ZNF408: variants seen among roughly 807,000 people sequenced by gnomAD.
ZNF408 encodes the protein zinc finger protein 408, also known as PR domain zinc finger protein 17.
ZNF408 carries 24 observed loss-of-function variants against 27.6 expected under a neutral mutation model. The observed-to-expected ratio is 0.87, with a 90% CI of 0.63 to 1.22. The LOEUF (loss-of-function observed/expected upper bound fraction) is 1.22, where lower values mean the gene tolerates loss of function less well. Among genes scored for constraint, ZNF408 ranks in the 50% most tolerant of loss-of-function variants. The pLI is 0.00. For synonymous variants in ZNF408, 410 were observed against 396.1 expected, an observed-to-expected ratio of 1.04 and a Z score of -0.42; for missense variants, 897 against 949.0, an observed-to-expected ratio of 0.95 and a Z score of 0.72.
intron 1 of ZNF408, 128 bp from the exon 2 acceptor site, chr11:46,701,271 C>T (rs1029947864): frequency 9.0e-6 from 14 of 1,554,024 alleles, no homozygotes; most frequent in Admixed American, 7.0e-5. Context: ...CTTTCAGGGC[C>T]CTCCTTAGAG....
chr11:46,704,938 A>G lies in ZNF408; in HGVS notation c.1238A>G (p.Gln413Arg). Reference sequence around the variant, plus strand: ...GGGGTGCGGCCCTTCCCCTGTCCACAATGCGACAAGGCCTATGGCACCCAG... The same window carrying G: ...GGGGTGCGGCCCTTCCCCTGTCCACGATGCGACAAGGCCTATGGCACCCAG... ...HRGVRPFPCP[Q>R]CDKAYGTQRD... Residue 413 changes from glutamine (Q) to arginine (R), a missense_variant, in exon 5 of 5, where the codon CAA becomes CGA. Physicochemically the swap from Gln to Arg is conservative, Grantham distance 43. Transcript: ENST00000311764. 1 of 1,613,546 alleles carries G rather than the reference A, an allele frequency of 6.2e-7. No individual in the cohort carries two copies.
At chr11:46,701,184 C>T in intron 1 of ZNF408, 85 bp downstream of exon 1, 1 of 1,606,260 alleles carries the variant, frequency 6.2e-7, no homozygotes, top group Non-Finnish European at 8.5e-7. Context: ...TCAGTCTTCT[C>T]TCCTCCGGAT....
rs776195593 is a variant in ZNF408, at chr11:46,704,811, C to G, written c.1111C>G (p.His371Asp). ...CCTACAGCTGTGCCACCTAAAGAAG[C>G]ACGCATTTGTGCACACGGGCCACAA... Reference protein sequence around the residue: ...AFLQLCHLKKHAFVHTGHKPF... With the variant: ...AFLQLCHLKKDAFVHTGHKPF... The change falls in exon 5 of 5, where the codon CAC becomes GAC. Residue 371 changes from histidine (H) to aspartate (D), a missense_variant. Coordinates refer to ENST00000311764, the MANE Select transcript of ZNF408 (RefSeq NM_024741.3). 1 of 1,599,862 alleles carries G rather than the reference C, an allele frequency of 6.3e-7. No homozygotes were observed. The highest frequency in any genetic ancestry group is 1.7e-5 in the Admixed American group (1 of 58,590).
In ZNF408 at chr11:46,704,689, C is replaced by G; in HGVS notation, c.989C>G (p.Ser330Cys). 6.2e-7 allele frequency: 1 copy of G among 1,612,546 alleles called. No individual in the cohort carries two copies. Among genetic ancestry groups the G allele is most frequent in the Non-Finnish European group, 8.5e-7 (1 of 1,179,380 alleles). The change falls in exon 5 of 5, where the codon TCT becomes TGT. Residue 330 changes from serine (S) to cysteine (C), a missense_variant. Ser to Cys is a moderately radical substitution (Grantham distance 112). Coordinates refer to ENST00000311764, the MANE Select transcript of ZNF408 (RefSeq NM_024741.3). ...ACCCCAGAGCCTGGAGCCCAGCAGTCTGGCTTCCCTACACTCTCGCGGAGC... is the reference window on the plus strand; with the variant it reads ...ACCCCAGAGCCTGGAGCCCAGCAGTGTGGCTTCCCTACACTCTCGCGGAGC... The part of the protein sequence containing the change: ...AKTPEPGAQQ[S>C]GFPTLSRSPP...
chr11:46,704,567 A>G lies in ZNF408; in HGVS notation c.867A>G (p.Gly289=), dbSNP rs2064735580. ...SATQQDPDGS[G]ASFSSSARGT... ...CCCAGCAGGACCCAGATGGCAGTGG[A>G]GCCAGTTTCTCATCTTCTGCCAGGG... The change falls in exon 5 of 5, where the codon GGA becomes GGG. Residue 289 remains glycine, a synonymous_variant. Coordinates refer to ENST00000311764, the MANE Select transcript of ZNF408 (RefSeq NM_024741.3). The G allele has an allele frequency of 6.2e-7, 1 of 1,613,528 alleles. No individual in the cohort carries two copies. Among genetic ancestry groups the G allele is most frequent in the South Asian group, 1.1e-5 (1 of 91,064 alleles).
intron 2 of ZNF408, 23 bp downstream of exon 2, chr11:46,701,699 C>T (rs771076008): frequency 6.6e-7 from 1 of 1,509,526 alleles, no homozygotes; most frequent in Non-Finnish European, 8.9e-7. Flanking sequence ...AGAGCGACTT[C>T]CCTCCGCCCT....
intron 2 of ZNF408, among the ~76,000 whole-genome samples, chr11:46,702,467 T>C (rs1234584368): frequency 1.3e-5 from 2 of 152,226 alleles, no homozygotes; most frequent in Non-Finnish European, 2.9e-5. Context: ...AAGACAGTAA[T>C]GTGTTCAATT....
chr11:46,701,547 C>T lies in ZNF408; in HGVS notation c.201C>T (p.Leu67=). ...GGGGCTTGGCCCTTGGCCCCTCACT[C>T]GCCAAGGAACAGCGCTTGGGGGTCT... The part of the protein sequence containing the change: ...LPRGLALGPS[L]AKEQRLGVWC... The change falls in exon 2 of 5, where the codon CTC becomes CTT. Residue 67 remains leucine, a synonymous_variant. Coordinates refer to ENST00000311764, the MANE Select transcript of ZNF408 (RefSeq NM_024741.3). The T allele has an allele frequency of 6.2e-7, 1 of 1,613,662 alleles. No individual in the cohort carries two copies. Among genetic ancestry groups the T allele is most frequent in the Non-Finnish European group, 8.5e-7 (1 of 1,180,014 alleles).
intron 1 of ZNF408, 132 bp from the exon 2 acceptor site, chr11:46,701,267 G>C (rs557309833): frequency 3.8e-5 from 60 of 1,561,756 alleles, no homozygotes; most frequent in Non-Finnish European, 5.0e-5. Flanking sequence ...AAAACTTTCA[G>C]GGCCCTCCTT....
chr11:46,705,341 C>G lies in ZNF408; in HGVS notation c.1641C>G (p.Thr547=), dbSNP rs746053062. Residue 547 remains threonine, a synonymous_variant, in exon 5 of 5, where the codon ACC becomes ACG. Transcript: ENST00000311764. The surrounding 1 kb of genome is among the most constrained non-coding windows in gnomAD (Gnocchi z 6.5). ...TGCGGCGCCATCTCATCTCACACAC[C>G]GGGGAGGCCCACTTGTGCCCGGTGT... The part of the protein sequence containing the change: ...PELRRHLISH[T]GEAHLCPVCG... 1.7e-5 allele frequency: 28 copies of G among 1,610,994 alleles called. No homozygotes were observed. The highest frequency in any genetic ancestry group is 2.4e-5 in the Non-Finnish European group (28 of 1,179,886).
Position 46,705,550 on chromosome 11 carries a change from C to A in ZNF408, c.1850C>A (p.Thr617Asn), listed in dbSNP as rs547169524. 6.2e-5 allele frequency: 100 copies of A among 1,605,290 alleles called. 1 individual carries two copies. The South Asian group carries it at 1.1e-3, about 17-fold the overall frequency. ...TGCCCCACCTGTGGCATGGGCTACA[C>A]CCTCCCGCAGAGCCTCAGGCGGCAT... ...YRCPTCGMGY[T>N]LPQSLRRHQL... The change falls in exon 5 of 5, where the codon ACC becomes AAC. Residue 617 changes from threonine (T) to asparagine (N), a missense_variant. Transcript: ENST00000311764. This position sits in a 1 kb window ranked among gnomAD's most constrained non-coding sequence, Gnocchi z 6.5.
chr11:46,701,126 C>G (rs1458061135), intron 1 of ZNF408, 27 bp downstream of exon 1: 3 of 1,614,046 alleles, frequency 1.9e-6, no homozygotes, highest in Non-Finnish European at 2.5e-6. Flanking sequence ...GTCCGCGACC[C>G]TCAACCTTGG....
chr11:46,703,271 C>T lies in ZNF408; in HGVS notation c.652+28C>T, dbSNP rs550223519. 1.9e-6 allele frequency: 3 copies of T among 1,588,314 alleles called. No homozygotes were observed. In the East Asian group the frequency reaches 6.8e-5, roughly 36 times the overall value. On this transcript the variant is annotated intron_variant, in intron 4 of 4. Coordinates refer to ENST00000311764, the MANE Select transcript of ZNF408 (RefSeq NM_024741.3). ...ATGTGTCAAATAAATGCTGGTTTCC[C>T]AGCAATTTCCCCACCAAAACAACCT...
rs2064739618 is a variant in ZNF408 at position 46,704,928 on chromosome 11, C to T, written c.1228C>T (p.Pro410Ser). 6.2e-7 allele frequency: 1 copy of T among 1,613,434 alleles called. No homozygotes were observed. Among genetic ancestry groups the T allele is most frequent in the South Asian group, 1.1e-5 (1 of 91,084 alleles). The change falls in exon 5 of 5, where the codon CCC (proline) becomes TCC (serine). Residue 410 changes from proline to serine, a missense_variant. Coordinates refer to ENST00000311764, the MANE Select transcript of ZNF408 (RefSeq NM_024741.3). ...MLGHRGVRPF[P>S]CPQCDKAYGT... ...GGGCCACCGTGGGGTGCGGCCCTTC[C>T]CCTGTCCACAATGCGACAAGGCCTA...
intron 2 of ZNF408, 105 bp downstream of exon 2, chr11:46,701,781 T>C: frequency 7.5e-7 from 1 of 1,336,812 alleles, no homozygotes; most frequent in African/African-American, 1.5e-5. Context: ...TTTCAAGAGA[T>C]AGGAGATAGT....
chr11:46,705,284 CTG>C lies in ZNF408; in HGVS notation c.1587_1588del (p.Ala530ArgfsTer8). 2 of 1,612,266 alleles carry C rather than the reference CTG, an allele frequency of 1.2e-6. No homozygotes were observed. The highest frequency in any genetic ancestry group is 1.7e-6 in the Non-Finnish European group (2 of 1,179,952). On this transcript the variant is annotated frameshift_variant, in exon 5 of 5. Coordinates refer to ENST00000311764, the MANE Select transcript of ZNF408 (RefSeq NM_024741.3). LOFTEE classifies it low-confidence loss of function (END_TRUNC). This position sits in a 1 kb window ranked among gnomAD's most constrained non-coding sequence, Gnocchi z 6.5. ...GGGAGCGTCCTTACCGCTGCCCACA[CTG>C]TGCCGATGCCTTCCCCCAGCTGCCT... ...TGERPYRCPH[C>X]ADAFPQLPEL...
intron 3 of ZNF408, 76 bp downstream of exon 3, chr11:46,702,841 A>T (rs2064719814): frequency 1.2e-6 from 2 of 1,602,342 alleles, no homozygotes; most frequent in Non-Finnish European, 1.7e-6. Flanking sequence ...GCTGACTGTC[A>T]TTTCCTATTC....
chr11:46,705,762 G>A lies in ZNF408; in HGVS notation c.2062G>A (p.Val688Met). The A allele has an allele frequency of 6.2e-7, 1 of 1,611,380 alleles. No individual in the cohort carries two copies. The highest frequency in any genetic ancestry group is 8.5e-7 in the Non-Finnish European group (1 of 1,178,906). ...ISESQEKCFV[V>M]PEEPDAAPSL... ...AGAAAGCCAGGAGAAGTGCTTTGTG[G>A]TGCCAGAGGAGCCAGATGCCGCCCC... Residue 688 changes from valine (V) to methionine (M), a missense_variant, in exon 5 of 5, where the codon GTG becomes ATG. Coordinates refer to ENST00000311764, the MANE Select transcript of ZNF408 (RefSeq NM_024741.3). The surrounding 1 kb of genome is among the most constrained non-coding windows in gnomAD (Gnocchi z 6.5).
chr11:46,703,782 T>TTTTTTG, intron 4 of ZNF408, among the ~76,000 whole-genome samples: 1 of 145,478 alleles, frequency 6.9e-6, no homozygotes, highest in Admixed American at 6.8e-5. Flanking sequence ...TTTTTTTTTT[T>TTTTTTG]TTTGAGATGG....
Sources: gnomAD v4.1 joint callset for allele counts (sites outside exome capture counted in the v4.1 genomes callset) on GRCh38, gnomAD v4.1.1 for gene constraint, Gnocchi (gnomAD v3.1) non-coding constraint, MANE v1.5 for transcripts, NCBI Gene and HGNC (gene_info 2026-07-23, HGNC 2026-07-21) for gene names.